The following CTSD variants were observed in gnomAD, a reference collection of about 807,000 sequenced individuals.
The protein encoded by CTSD is ceroid-lipofuscinosis, neuronal 10.
A neutral mutation model predicts 43.6 loss-of-function variants in CTSD; 28 were observed. That is an observed-to-expected ratio of 0.64 (90% CI 0.48 to 0.88). The LOEUF is 0.88. Ranked by LOEUF, CTSD falls within the 40% of genes least tolerant of loss-of-function variation. The pLI, the probability that CTSD is intolerant of heterozygous loss-of-function variation, is 0.00. For missense variants in CTSD, 485 were observed against 555.2 expected (o/e 0.87, Z 1.27); for synonymous variants, 270 against 249.8 (o/e 1.08, Z -0.76).
rs1475945069 is a variant in CTSD at position 1,758,880 on chromosome 11, G to C, written c.471+89C>G. ...GGGCTGGGGTTGGGCTGGGATCACCGAGCCCTCCCTTTCAACCACATACCC... is the reference window on the plus strand; with the variant it reads ...GGGCTGGGGTTGGGCTGGGATCACCCAGCCCTCCCTTTCAACCACATACCC... On this transcript the variant is annotated intron_variant, in intron 4 of 8. Transcript: ENST00000236671. 3 of 975,240 alleles carry C rather than the reference G, an allele frequency of 3.1e-6. No individual in the cohort carries two copies. In the Admixed American group the frequency reaches 5.1e-5, roughly 17 times the overall value. 60.4% of individuals were successfully genotyped at this position (975,240 alleles called of 1,614,324 possible).
rs149019571 is a variant in CTSD at position 1,753,677 on chromosome 11, C to T, written c.1072-7G>A. On this transcript the variant is annotated splice_region_variant and splice_polypyrimidine_tract_variant and intron_variant, in intron 8 of 8. Transcript: ENST00000236671. Reference sequence around the variant, plus strand: ...TCTTCCCGGCCTGCGACACCTGGGACGGCCCTGGTGGTCAGTACCCAGGCC... The same window carrying T: ...TCTTCCCGGCCTGCGACACCTGGGATGGCCCTGGTGGTCAGTACCCAGGCC... 8.5e-3 allele frequency: 13,723 copies of T among 1,612,638 alleles called. 80 individuals are homozygous for T. Among genetic ancestry groups the T allele is most frequent in the Non-Finnish European group, 0.01 (12,205 of 1,179,774 alleles).
intron 5 of CTSD, among the ~76,000 whole-genome samples, chr11:1,756,686 C>T (rs1845813652): frequency 6.6e-6 from 1 of 151,960 alleles, no homozygotes; most frequent in Non-Finnish European, 1.5e-5. Context: ...CTAACTGAGT[C>T]CGACGTCCCC....
intron 5 of CTSD, 60 bp downstream of exon 5, chr11:1,757,264 C>T: frequency 7.1e-7 from 1 of 1,417,986 alleles, no homozygotes; most frequent in Non-Finnish European, 9.8e-7. Flanking sequence ...TAGAAGGCTC[C>T]CCGTCCAGCC....
At chr11:1,761,247 A>G in intron 2 of CTSD, 62 bp downstream of exon 2, 2 of 1,586,774 alleles carry the variant, frequency 1.3e-6, no homozygotes, top group African/African-American at 1.3e-5. Flanking sequence ...TGTTCCCCAT[A>G]CTGCCACGGA....
In CTSD at chr11:1,754,941, G is replaced by A; in HGVS notation, c.792C>T (p.Val264=). The A allele has an allele frequency of 6.2e-7, 1 of 1,613,958 alleles. No individual in the cohort carries two copies. The highest frequency in any genetic ancestry group is 8.5e-7 in the Non-Finnish European group (1 of 1,179,908). The change falls in exon 6 of 9, where the codon GTC becomes GTT. Residue 264 remains valine (V), a synonymous_variant. Coordinates refer to ENST00000236671, the MANE Select transcript of CTSD (RefSeq NM_001909.5). ...YYKGSLSYLN[V]TRKAYWQVHL... ...GGACCTGCCAGTAGGCCTTGCGGGTGACATTCAGGTAGGACAGAGAACCCT... is the reference window on the plus strand; with the variant it reads ...GGACCTGCCAGTAGGCCTTGCGGGTAACATTCAGGTAGGACAGAGAACCCT...
At chr11:1,758,108 C>T (rs1000935319) in intron 4 of CTSD, 13 of 201,076 alleles carry the variant, frequency 6.5e-5, no homozygotes, top group African/African-American at 2.6e-4. Flanking sequence ...CAGAAGAGGG[C>T]GGAAGAGGGC....
intron 1 of CTSD, 146 bp from the exon 2 acceptor site, chr11:1,761,614 G>T: frequency 1.2e-6 from 1 of 850,378 alleles, no homozygotes; most frequent in Non-Finnish European, 1.9e-6. Flanking sequence ...CCTGGAAACT[G>T]CTGGCCCAGC....
At chr11:1,763,503 T>C (rs1409109035) in intron 1 of CTSD, 1 of 420,570 alleles carries the variant, frequency 2.4e-6, no homozygotes, top group Non-Finnish European at 4.2e-6. Context: ...CCGCCCCGTC[T>C]CCAGGGAGGC....
chr11:1,761,008 CG>C, intron 2 of CTSD: 1 of 446,616 alleles, frequency 2.2e-6, no homozygotes, highest in South Asian at 2.1e-5. Context: ...CCAGGTCAGC[CG>C]GCCACACTCA....
At chr11:1,759,736 C>CCTCCAGTATGGGCCT in intron 2 of CTSD, 97 bp from the exon 3 acceptor site, 3 of 1,217,466 alleles carry the variant, frequency 2.5e-6, no homozygotes, top group Non-Finnish European at 3.4e-6. Context: ...AAGGCCCATA[C>CCTCCAGTATGGGCCT]TGGAGGGAGG....
chr11:1,755,820 C>T (rs1022246638), intron 5 of CTSD, among the ~76,000 whole-genome samples: 2 of 152,150 alleles, frequency 1.3e-5, no homozygotes, highest in African/African-American at 4.8e-5. Context: ...GGCCTCCGCC[C>T]TCCTCCAGCC....
At position 1,754,980 on chromosome 11, in the gene CTSD, G is replaced by C; in HGVS notation, c.753C>G (p.Asp251Glu). 1 of 1,613,928 alleles carries C rather than the reference G, an allele frequency of 6.2e-7. No homozygotes were observed. Among genetic ancestry groups the C allele is most frequent in the Non-Finnish European group, 8.5e-7 (1 of 1,179,900 alleles). Residue 251 changes from aspartate (D) to glutamate (E), a missense_variant, in exon 6 of 9, where the codon GAC (aspartate) becomes GAG (glutamate). Physicochemically the swap from Asp to Glu is conservative, Grantham distance 45. Transcript: ENST00000236671. ...ACAGAGAACCCTTGTAATACTTGGA[G>C]TCTGTGCCACCCAGCATCAGCTCAC... ...PGGELMLGGT[D>E]SKYYKGSLSY...
At chr11:1,760,556 TGTGTGTGTGC>T (rs1478032381) in intron 2 of CTSD, 1 of 152,440 alleles carries the variant, frequency 6.6e-6, no homozygotes, top group Non-Finnish European at 1.5e-5. Context: ...AATTTCCATG[TGTGTGTGTGC>T]ATGTGTGCGC....
intron 4 of CTSD, among the ~76,000 whole-genome samples, 192 bp from the exon 5 acceptor site, chr11:1,757,748 C>T (rs1003228157): frequency 1.8e-4 from 28 of 152,234 alleles, no homozygotes; most frequent in African/African-American, 6.5e-4. Context: ...ATGGCGGGGC[C>T]CTCTTCGTGG....
chr11:1,754,385 A>G lies in CTSD; in HGVS notation c.828-247T>C, dbSNP rs973853756. Reference sequence around the variant, plus strand: ...AGGGATGGAGGGGATGGAGGGGCATAGAGGGATGGAGGGGATGGAGGGGAT... The same window carrying G: ...AGGGATGGAGGGGATGGAGGGGCATGGAGGGATGGAGGGGATGGAGGGGAT... On this transcript the variant is annotated intron_variant, in intron 6 of 8. Transcript: ENST00000236671. 206 of 445,382 alleles carry G rather than the reference A, an allele frequency of 4.6e-4. 1 individual carries two copies. Among genetic ancestry groups the G allele is most frequent in the South Asian group, 1.1e-3 (49 of 45,568 alleles). The allele number at this position is 445,382 out of a possible 1,614,324, so 27.6% of individuals were successfully genotyped here.
intron 2 of CTSD, 72 bp from the exon 3 acceptor site, chr11:1,759,711 G>A (rs957587676): frequency 2.6e-6 from 4 of 1,515,946 alleles, no homozygotes. Context: ...AGAAGGCCCG[G>A]CTGTCCCCAG....
Position 1,753,140 on chromosome 11 carries a change from C to A in CTSD, c.*363G>T, listed in dbSNP as rs969919037. 8.4e-6 allele frequency: 3 copies of A among 359,238 alleles called. No individual in the cohort carries two copies. In the Admixed American group the frequency reaches 1.2e-4, roughly 14 times the overall value. 22.3% of individuals were successfully genotyped at this position (359,238 alleles called of 1,614,324 possible). A position where few individuals can be genotyped will look rare whatever the true frequency, so the allele number is the denominator to read the frequency against. Reference sequence around the variant, plus strand: ...GCCTGGTGTGGGGTAGGGGCTCAGCCCAGCGGGCGCTGGTAGGGCCGGGGA... The same window carrying A: ...GCCTGGTGTGGGGTAGGGGCTCAGCACAGCGGGCGCTGGTAGGGCCGGGGA... On this transcript the variant is annotated 3_prime_UTR_variant, in exon 9 of 9. Transcript: ENST00000236671.
rs886048062 is a variant in CTSD, at chr11:1,753,147, G to C, written c.*356C>G. The stretch of plus-strand genomic sequence containing the variant: ...GTGGGGTAGGGGCTCAGCCCAGCGG[G>C]CGCTGGTAGGGCCGGGGAGGGGACT... On this transcript the variant is annotated 3_prime_UTR_variant, in exon 9 of 9. Transcript: ENST00000236671. 8 of 365,540 alleles carry C rather than the reference G, an allele frequency of 2.2e-5. No individual in the cohort carries two copies. Among genetic ancestry groups the C allele is most frequent in the Non-Finnish European group, 4.2e-5 (8 of 189,362 alleles). The allele number at this position is 365,540 out of a possible 1,614,324, so 22.6% of individuals were successfully genotyped here.
intron 2 of CTSD, chr11:1,760,641 C>G (rs901189840): frequency 6.4e-6 from 1 of 155,256 alleles, no homozygotes; most frequent in African/African-American, 2.4e-5. Context: ...ACCAGGCACA[C>G]GGCGCCTGGT....
Sources: gnomAD v4.1 joint callset for allele counts (sites outside exome capture counted in the v4.1 genomes callset) on GRCh38, gnomAD v4.1.1 for gene constraint, MANE v1.5 for transcripts, NCBI Gene and HGNC (gene_info 2026-07-23, HGNC 2026-07-21) for gene names.